Variants in ATG101 observed in about 807,000 individuals in gnomAD.
ATG101 encodes the protein autophagy related 101.
A neutral mutation model predicts 16.7 loss-of-function variants in ATG101; 6 were observed. That is an observed-to-expected ratio of 0.36 (90% CI 0.20 to 0.71). ATG101 has a LOEUF of 0.71. ATG101 is among the 30% of genes least tolerant of loss of function. The pLI, the probability that ATG101 is intolerant of heterozygous loss-of-function variation, is 0.57. For missense variants in ATG101, 200 were observed against 292.5 expected, an observed-to-expected ratio of 0.68 and a Z score of 2.31; for synonymous variants, 108 against 118.1, an observed-to-expected ratio of 0.91 and a Z score of 0.56.
chr12:52,073,566 C>CT lies in ATG101; in HGVS notation c.-76-5dup. 6.5e-7 allele frequency: 1 copy of CT among 1,526,954 alleles called. No homozygotes were observed. Among genetic ancestry groups the CT allele is most frequent in the Non-Finnish European group, 8.9e-7 (1 of 1,128,446 alleles). 94.6% of individuals were successfully genotyped at this position (1,526,954 alleles called of 1,614,324 possible). ...CTTGTCAGCATTCTGACCTGGGCTC[C>CT]TTTTGCAGGGTGGCCCTTGGGTAGG... On this transcript the variant is annotated splice_polypyrimidine_tract_variant and intron_variant, in intron 2 of 3. Coordinates refer to ENST00000336854, the MANE Select transcript of ATG101 (RefSeq NM_021934.5).
At chr12:52,071,116 G>A (rs916764201) in intron 2 of ATG101, 42 of 152,338 alleles carry the variant, frequency 2.8e-4, no homozygotes, top group African/African-American at 9.1e-4. Context: ...AAAACAAAAC[G>A]TGATGGTGCT....
In ATG101 at chr12:52,077,417, G is replaced by A; in HGVS notation, c.*227G>A. The A allele has an allele frequency of 6.9e-6, 4 of 580,192 alleles. No individual in the cohort carries two copies. In the South Asian group the frequency reaches 9.0e-5, roughly 13 times the overall value. The allele number at this position is 580,192 out of a possible 1,614,324, so 35.9% of individuals were successfully genotyped here. A position where few individuals can be genotyped will look rare whatever the true frequency, so the allele number is the denominator to read the frequency against. On this transcript the variant is annotated 3_prime_UTR_variant, in exon 4 of 4. Transcript: ENST00000336854. ...TACTGTCTCTCCATAGCCCTGGTGG[G>A]GTCCCCCTTCTTTCTCCACTGTACA...
intron 3 of ATG101, among the ~76,000 whole-genome samples, chr12:52,075,155 C>G (rs1565662300): frequency 6.6e-6 from 1 of 152,140 alleles, no homozygotes; most frequent in Non-Finnish European, 1.5e-5. Flanking sequence ...GTACTGTGTG[C>G]TCATTGCAGG....
At chr12:52,068,840 A>T (rs983487573), upstream of ATG101, among the ~76,000 whole-genome samples, 6 of 151,642 alleles carry the variant, frequency 4.0e-5, no homozygotes, top group Admixed American at 6.6e-5. Flanking sequence ...ATACAAAAAA[A>T]ATTAGCCGGG....
intron 3 of ATG101, 100 bp downstream of exon 3, chr12:52,074,002 T>C (rs1939693425): frequency 6.7e-7 from 1 of 1,485,850 alleles, no homozygotes; most frequent in South Asian, 1.3e-5. Flanking sequence ...ACCAGCCTTC[T>C]CTTCCTGAGT....
At chr12:52,073,958 C>T (rs1592317657) in intron 3 of ATG101, 56 bp downstream of exon 3, 2 of 1,591,428 alleles carry the variant, frequency 1.3e-6, no homozygotes, top group South Asian at 2.3e-5. Context: ...GGCAGGGGGG[C>T]CTCGAGTGCT....
At chr12:52,075,192 GTC>G (rs769388515) in intron 3 of ATG101, among the ~76,000 whole-genome samples, 4 of 152,180 alleles carry the variant, frequency 2.6e-5, no homozygotes, top group South Asian at 2.1e-4. Context: ...GGTGAAAGCT[GTC>G]TCTCATTGTC....
chr12:52,076,819 G>A lies in ATG101; in HGVS notation c.286G>A (p.Gly96Arg). The change falls in exon 4 of 4, where the codon GGG becomes AGG. Residue 96 changes from glycine to arginine, a missense_variant. Transcript: ENST00000336854. ...ALRNSGGDGL[G>R]QMSLEFYQKK... ...GCGCAACTCTGGTGGCGATGGGCTG[G>A]GGCAGATGTCCTTGGAGTTCTACCA... is the stretch of plus-strand genomic sequence containing the variant. 6.2e-7 allele frequency: 1 copy of A among 1,614,152 alleles called. No individual in the cohort carries two copies. Among genetic ancestry groups the A allele is most frequent in the Non-Finnish European group, 8.5e-7 (1 of 1,180,034 alleles).
At chr12:52,072,936 C>G (rs548519277) in intron 2 of ATG101, among the ~76,000 whole-genome samples, 1 of 152,190 alleles carries the variant, frequency 6.6e-6, no homozygotes, top group East Asian at 1.9e-4. Flanking sequence ...CCAGGCCCAG[C>G]TAATTTTTTA....
chr12:52,071,297 G>A (rs1396388452), intron 2 of ATG101: 3 of 152,206 alleles, frequency 2.0e-5, no homozygotes, highest in African/African-American at 7.2e-5. Context: ...CCAGATGAGT[G>A]AAATATACTT....
chr12:52,070,997 A>G (rs1939641333), intron 2 of ATG101: 1 of 152,216 alleles, frequency 6.6e-6, no homozygotes, highest in African/African-American at 2.4e-5. Context: ...GGCTCAATTG[A>G]GCAGTTGTTT....
At chr12:52,068,803 G>A (rs1421222033), upstream of ATG101, among the ~76,000 whole-genome samples, 1 of 151,714 alleles carries the variant, frequency 6.6e-6, no homozygotes, top group Non-Finnish European at 1.5e-5. Flanking sequence ...TGGCTAACAC[G>A]GTGAAAACCC....
In ATG101 at chr12:52,073,781, C is replaced by T. The variant is rs756634275; in HGVS notation, c.131C>T (p.Thr44Ile). 15 of 1,614,084 alleles carry T rather than the reference C, an allele frequency of 9.3e-6. No individual in the cohort carries two copies. Among genetic ancestry groups the T allele is most frequent in the African/African-American group, 4.0e-5 (3 of 74,940 alleles). The change falls in exon 3 of 4, where the codon ACC becomes ATC. Residue 44 changes from threonine to isoleucine, a missense_variant. Thr to Ile is a moderately conservative substitution (Grantham distance 89, BLOSUM62 -1). Coordinates refer to ENST00000336854, the MANE Select transcript of ATG101 (RefSeq NM_021934.5). ...TGKFHYKKEGTYSIGTVGTQD... is the reference protein window; with the variant it reads ...TGKFHYKKEGIYSIGTVGTQD... ...AAGTTCCACTACAAGAAGGAGGGCACCTACTCCATTGGCACCGTGGGCACC... is the reference window on the plus strand; with the variant it reads ...AAGTTCCACTACAAGAAGGAGGGCATCTACTCCATTGGCACCGTGGGCACC...
rs542157791 is a variant in ATG101 at position 52,074,208 on chromosome 12, G to A, written c.252+306G>A. 2.0e-5 allele frequency among the ~76,000 whole-genome samples: 3 copies of A among 152,330 alleles called. No homozygotes were observed. The South Asian group carries it at 6.2e-4, about 32-fold the overall frequency. On this transcript the variant is annotated intron_variant, in intron 3 of 3. Transcript: ENST00000336854. ...GGGCCATCCTTGCTTCTGTGGTCTT[G>A]ACCTCTCTGGTTACAGCTCTCTCTG... is the stretch of plus-strand genomic sequence containing the variant.
chr12:52,070,046 C>G lies in ATG101; in HGVS notation c.-403C>G, dbSNP rs1164748985. ...CGGGAGAGTGGTGGCATCTGAGAGG[C>G]TGGTCGTGGACTGTGGTTGGGGGAG... On this transcript the variant is annotated 5_prime_UTR_variant, in exon 1 of 4. Transcript: ENST00000336854. 1.3e-5 allele frequency: 2 copies of G among 152,424 alleles called. No homozygotes were observed. The highest frequency in any genetic ancestry group is 2.9e-5 in the Non-Finnish European group (2 of 68,238). 9.4% of individuals were successfully genotyped at this position (152,424 alleles called of 1,614,324 possible). A position where few individuals can be genotyped will look rare whatever the true frequency, so the allele number is the denominator to read the frequency against.
rs146948029 is a variant in ATG101 at position 52,073,830 on chromosome 12, C to T, written c.180C>T (p.Ile60=). The part of the protein sequence containing the change: ...VGTQDVDCDF[I]DFTYVRVSSE... ...CCCAGGATGTTGACTGTGACTTCATCGACTTCACTTATGTGCGTGTCTCTT... is the reference window on the plus strand; with the variant it reads ...CCCAGGATGTTGACTGTGACTTCATTGACTTCACTTATGTGCGTGTCTCTT... The change falls in exon 3 of 4, where the codon ATC becomes ATT. Residue 60 remains isoleucine (I), a synonymous_variant. Coordinates refer to ENST00000336854, the MANE Select transcript of ATG101 (RefSeq NM_021934.5). The T allele has an allele frequency of 1.0e-4, 166 of 1,614,238 alleles. 1 individual carries two copies. The Admixed American group carries it at 2.3e-3, about 23-fold the overall frequency.
At position 52,073,901 on chromosome 12, in the gene ATG101, A is replaced by G. The variant is rs759933683; in HGVS notation, c.251A>G (p.Lys84Arg). The change falls in exon 3 of 4, where the codon AAG (lysine) becomes AGG (arginine). Residue 84 changes from lysine (K) to arginine (R), a missense_variant and splice_region_variant. Lys to Arg is a conservative substitution (Grantham distance 26, BLOSUM62 2). Coordinates refer to ENST00000336854, the MANE Select transcript of ATG101 (RefSeq NM_021934.5). ...RALRKVVGEF[K>R]DALRNSGGDG... is the part of the protein sequence containing the mutation. ...CTGCGCAAGGTTGTTGGGGAGTTCA[A>G]GGTAAGGGTGTCGGGGAGTTCAAGG... 4.1e-6 allele frequency: 6 copies of G among 1,447,452 alleles called. No individual in the cohort carries two copies. The highest frequency in any genetic ancestry group is 4.5e-5 in the East Asian group (2 of 44,802). The allele number at this position is 1,447,452 out of a possible 1,614,324, so 89.7% of individuals were successfully genotyped here.
upstream of ATG101, among the ~76,000 whole-genome samples, chr12:52,067,611 C>T (rs1310004047): frequency 2.1e-4 from 31 of 151,000 alleles, no homozygotes; most frequent in Admixed American, 1.4e-3. Context: ...TTTTTTGAGA[C>T]GGAGTCTCGC....
At position 52,077,226 on chromosome 12, in the gene ATG101, C is replaced by G. The variant is rs755165570; in HGVS notation, c.*36C>G. The G allele has an allele frequency of 3.8e-6, 6 of 1,594,478 alleles. No individual in the cohort carries two copies. The Admixed American group carries it at 8.6e-5, about 23-fold the overall frequency. ...ATCTCTGGGAGCTCCTTGATGGCTC[C>G]CAGACCTTGGCTTTTGGGAATTGCA... On this transcript the variant is annotated 3_prime_UTR_variant, in exon 4 of 4. Transcript: ENST00000336854.
Sources: gnomAD v4.1 joint callset for allele counts (sites outside exome capture counted in the v4.1 genomes callset) on GRCh38, gnomAD v4.1.1 for gene constraint, MANE v1.5 for transcripts, NCBI Gene and HGNC (gene_info 2026-07-23, HGNC 2026-07-21) for gene names.